The following LRRC56 variants were observed in gnomAD, a reference collection of about 807,000 sequenced individuals.
LRRC56 encodes the protein leucine-rich repeat-containing protein 56.
LRRC56 carries 41 observed loss-of-function variants against 47.8 expected under a neutral mutation model. That is an observed-to-expected ratio of 0.86 (90% confidence interval 0.67 to 1.11). LRRC56 has a LOEUF of 1.11. Ranked by LOEUF, LRRC56 falls within the 50% of genes most tolerant of loss-of-function variation. The pLI is 0.00. For missense variants in LRRC56, 759 were observed against 704.2 expected, an observed-to-expected ratio of 1.08 and a Z score of -0.88; for synonymous variants, 387 against 311.2, an observed-to-expected ratio of 1.24 and a Z score of -2.56.
the LRRC56 span, among the ~76,000 whole-genome samples, chr11:516,118 G>A: frequency 6.6e-6 from 1 of 152,146 alleles, no homozygotes; most frequent in Non-Finnish European, 1.5e-5. Context: ...CTTGGGCCAG[G>A]TGCAAAGGTT....
chr11:507,191 G>A, the LRRC56 span: 3 of 152,284 alleles, frequency 2.0e-5, no homozygotes, highest in Admixed American at 1.3e-4. Context: ...CCAGCAGAAC[G>A]GGTTGAACGT....
intron 3 of LRRC56, among the ~76,000 whole-genome samples, chr11:540,157 C>T (rs1040251848): frequency 6.6e-6 from 1 of 152,212 alleles, no homozygotes; most frequent in Admixed American, 6.5e-5. Context: ...CAGGAGAGGG[C>T]AGCTGCCTGC....
chr11:548,556 C>G (rs1398734532), intron 6 of LRRC56, among the ~76,000 whole-genome samples: 1 of 152,222 alleles, frequency 6.6e-6, no homozygotes, highest in African/African-American at 2.4e-5. Flanking sequence ...CTCCCCGGTT[C>G]AAGCGATTCT....
At position 542,653 on chromosome 11, in the gene LRRC56, C is replaced by T. The variant is rs552583052; in HGVS notation, c.265+1029C>T. Among the ~76,000 whole-genome samples, 9 of 150,698 alleles carry T rather than the reference C, an allele frequency of 6.0e-5. No individual in the cohort carries two copies. In the South Asian group the frequency reaches 1.9e-3, roughly 32 times the overall value. On this transcript the variant is annotated intron_variant, in intron 5 of 13. Transcript: ENST00000270115. ...GGTTCCTTCTCTTTCGCCGTGTTCA[C>T]GGTGGTGCTGGCCCCTGCTCCCTCC...
At chr11:543,744 G>A (rs990756529) in intron 5 of LRRC56, among the ~76,000 whole-genome samples, 1 of 150,718 alleles carries the variant, frequency 6.6e-6, no homozygotes, top group Admixed American at 6.6e-5. Context: ...CACACTCTGC[G>A]CCCCTTCTTT....
chr11:506,782 G>C, the LRRC56 span: 1 of 152,376 alleles, frequency 6.6e-6, no homozygotes, highest in Non-Finnish European at 1.5e-5. Flanking sequence ...GCACTAGAGG[G>C]CTTGACGGCC....
intron 6 of LRRC56, among the ~76,000 whole-genome samples, chr11:549,198 G>A (rs1014535363): frequency 1.3e-4 from 20 of 152,368 alleles, no homozygotes; most frequent in African/African-American, 4.8e-4. Context: ...CCCAGCCCTG[G>A]AGGAATCTGT....
At chr11:533,166 T>TC, upstream of LRRC56, 1 of 1,006,090 alleles carries the variant, frequency 9.9e-7, no homozygotes, top group Non-Finnish European at 1.4e-6. Flanking sequence ...AGGGCAGCTC[T>TC]CCCCAAGGAC....
the LRRC56 span, among the ~76,000 whole-genome samples, chr11:513,406 G>A: frequency 6.6e-6 from 1 of 152,108 alleles, no homozygotes; most frequent in African/African-American, 2.4e-5. Flanking sequence ...CCCGCCGTCC[G>A]CCTCAGTGTC....
At chr11:511,934 A>G in the LRRC56 span, among the ~76,000 whole-genome samples, 5 of 151,794 alleles carry the variant, frequency 3.3e-5, no homozygotes, top group Non-Finnish European at 7.4e-5. Context: ...TAACTCAGTG[A>G]GGTTAGGAGG....
the LRRC56 span, among the ~76,000 whole-genome samples, chr11:527,677 GCC>G: frequency 5.6e-4 from 79 of 141,720 alleles, no homozygotes; most frequent in African/African-American, 2.0e-3. Flanking sequence ...GATTACAGGC[GCC>G]CGCCACCACG....
the LRRC56 span, chr11:506,997 A>T: frequency 6.6e-6 from 1 of 150,442 alleles, no homozygotes; most frequent in Non-Finnish European, 1.5e-5. Context: ...GGAGCGCGCC[A>T]CTCGCCCGCG....
chr11:509,626 T>G, the LRRC56 span, among the ~76,000 whole-genome samples: 2 of 151,802 alleles, frequency 1.3e-5, no homozygotes, highest in South Asian at 4.2e-4. Flanking sequence ...CGGCTCACTG[T>G]AAGCTCCGCC....
upstream of LRRC56, chr11:534,342 GC>G (rs1251006642): frequency 1.3e-6 from 2 of 1,594,272 alleles, no homozygotes; most frequent in Admixed American, 1.7e-5. Flanking sequence ...GGGGCCTGCG[GC>G]CCGGGGTCCT....
chr11:511,815 G>A, the LRRC56 span, among the ~76,000 whole-genome samples: 2 of 152,198 alleles, frequency 1.3e-5, no homozygotes, highest in Non-Finnish European at 2.9e-5. Context: ...CACTGAGCTA[G>A]CCTCTGGGAA....
At chr11:513,032 A>G in the LRRC56 span, among the ~76,000 whole-genome samples, 9 of 152,222 alleles carry the variant, frequency 5.9e-5, no homozygotes, top group Non-Finnish European at 1.2e-4. Context: ...AAGTGGGTGT[A>G]AATGTGGCTG....
At chr11:533,819 C>A (rs767586105), upstream of LRRC56, 1 of 1,613,406 alleles carries the variant, frequency 6.2e-7, no homozygotes, top group Admixed American at 1.7e-5. Context: ...CAAACACACA[C>A]AGGAAGCCCT....
chr11:551,813 G>A lies in LRRC56; in HGVS notation c.959G>A (p.Ser320Asn). 6.2e-7 allele frequency: 1 copy of A among 1,607,574 alleles called. No homozygotes were observed. Reference protein sequence around the residue: ...SEDLAPEDNTSSLTHGAGQVL... With the variant: ...SEDLAPEDNTNSLTHGAGQVL... ...GACCTGGCCCCAGAAGATAACACCA[G>A]CAGCCTCACCCATGGTAACTGACTT... Residue 320 changes from serine to asparagine, a missense_variant, in exon 10 of 14, where the codon AGC becomes AAC. Physicochemically the swap from Ser to Asn is conservative, Grantham distance 46. Coordinates refer to ENST00000270115, the MANE Select transcript of LRRC56 (RefSeq NM_198075.4).
chr11:510,487 C>G, the LRRC56 span, among the ~76,000 whole-genome samples: 3 of 152,084 alleles, frequency 2.0e-5, no homozygotes, highest in Non-Finnish European at 4.4e-5. Context: ...CCTGTAATCC[C>G]AGCATGTTGG....
Sources: allele counts gnomAD v4.1 joint callset (sites outside exome capture counted in the v4.1 genomes callset), GRCh38; gene constraint gnomAD v4.1.1; transcripts MANE v1.5; gene names NCBI Gene and HGNC (gene_info 2026-07-23, HGNC 2026-07-21).